Variants in MAGI1 observed in about 807,000 individuals in gnomAD.
The protein encoded by MAGI1 is membrane-associated guanylate kinase, WW and PDZ domain-containing protein 1.
Under a neutral mutation model 139.9 loss-of-function variants are expected in MAGI1, and 58 were observed. The ratio of observed to expected loss-of-function variants is 0.41; its 90% CI spans 0.34 to 0.52. The LOEUF is 0.52. Ranked by LOEUF, MAGI1 falls within the 20% of genes least tolerant of loss-of-function variation. MAGI1 has a pLI of 0.12. For synonymous variants in MAGI1, 812 were observed against 737.9 expected (o/e 1.10, Z -1.63); for missense variants, 1,874 against 1,901.6 (o/e 0.99, Z 0.27).
intron 2 of MAGI1, among the ~76,000 whole-genome samples, chr3:65,585,004 T>C (rs887388011): frequency 1.3e-5 from 2 of 152,172 alleles, no homozygotes; most frequent in African/African-American, 4.8e-5. Flanking sequence ...CTTATTGATG[T>C]GTAATAAGAA....
At chr3:65,436,830 T>C (rs60285400) in intron 10 of MAGI1, among the ~76,000 whole-genome samples, 3,978 of 152,066 alleles carry the variant, frequency 0.026, 165 homozygotes, top group African/African-American at 0.091. Context: ...CATCTCACAA[T>C]GCCCAGGACA....
chr3:65,729,684 C>T (rs1328043791), intron 1 of MAGI1, among the ~76,000 whole-genome samples: 2 of 152,152 alleles, frequency 1.3e-5, no homozygotes, highest in Non-Finnish European at 2.9e-5. Context: ...AGCTCCCCAT[C>T]GCTAATGAAA....
At chr3:65,590,850 T>C (rs1053541566) in intron 2 of MAGI1, among the ~76,000 whole-genome samples, 21 of 152,120 alleles carry the variant, frequency 1.4e-4, no homozygotes, top group African/African-American at 4.8e-4. Context: ...GTCCATGTTT[T>C]TTCACCTATC....
intron 1 of MAGI1, among the ~76,000 whole-genome samples, chr3:65,962,558 G>A (rs866516001): frequency 6.6e-5 from 10 of 152,090 alleles, no homozygotes; most frequent in Middle Eastern, 3.2e-3. Flanking sequence ...ACACTGGCCA[G>A]GCGAGGTGGT....
chr3:65,578,304 C>A (rs779742365), intron 2 of MAGI1, among the ~76,000 whole-genome samples: 1 of 151,976 alleles, frequency 6.6e-6, no homozygotes, highest in Non-Finnish European at 1.5e-5. Flanking sequence ...TCTGGACATA[C>A]TGTATTTGAT....
chr3:65,885,061 T>C (rs576204744), intron 1 of MAGI1, among the ~76,000 whole-genome samples: 14 of 152,116 alleles, frequency 9.2e-5, no homozygotes, highest in Admixed American at 2.6e-4. Context: ...AAATCACATA[T>C]AAAATAAATT....
chr3:65,464,149 A>G (rs1404222822), intron 5 of MAGI1, among the ~76,000 whole-genome samples: 1 of 151,948 alleles, frequency 6.6e-6, no homozygotes, highest in African/African-American at 2.4e-5. Flanking sequence ...TTCTTTGTCA[A>G]TCTTATTAGA....
intron 1 of MAGI1, among the ~76,000 whole-genome samples, chr3:65,773,378 A>T (rs909549588): frequency 2.0e-5 from 3 of 152,032 alleles, no homozygotes; most frequent in African/African-American, 4.8e-5. Context: ...ATAAAAAATT[A>T]AAAAATTAGT....
chr3:65,642,837 C>G (rs908844262), intron 1 of MAGI1, among the ~76,000 whole-genome samples: 1 of 152,106 alleles, frequency 6.6e-6, no homozygotes, highest in Admixed American at 6.6e-5. Flanking sequence ...ATAGGTATTA[C>G]CTGCCTGGAA....
chr3:65,664,241 G>A (rs1042500359), intron 1 of MAGI1, among the ~76,000 whole-genome samples: 12 of 152,050 alleles, frequency 7.9e-5, no homozygotes, highest in Admixed American at 6.5e-4. Context: ...CAAAACAAGA[G>A]ATCCAGAAAA....
rs763596169 is a variant in MAGI1, at chr3:65,356,781, C to T, written c.3986G>A (p.Gly1329Asp). The change falls in exon 23 of 23, where the codon GGC becomes GAC. Residue 1329 changes from glycine to aspartate, a missense_variant. By Grantham distance (94) the Gly-to-Asp change is moderately conservative (BLOSUM62 -1). Coordinates refer to ENST00000402939, the MANE Select transcript of MAGI1 (RefSeq NM_001033057.2). ...CAAAGTGTTGTCGGCGCTGCGGGTG[C>T]CCTCCCTCCGCTTCTCTGGGGACCG... The part of the protein sequence containing the change: ...KRRSPEKRRE[G>D]TRSADNTLER... 6.2e-7 allele frequency: 1 copy of T among 1,608,090 alleles called. No individual in the cohort carries two copies. Among genetic ancestry groups the T allele is most frequent in the South Asian group, 1.1e-5 (1 of 90,102 alleles).
intron 1 of MAGI1, among the ~76,000 whole-genome samples, chr3:65,941,366 T>C (rs900958314): frequency 7.9e-5 from 12 of 151,842 alleles, no homozygotes; most frequent in African/African-American, 2.7e-4. Flanking sequence ...AAAAGAATTA[T>C]ATTGCCCCTA....
chr3:65,430,925 A>C (rs755291880), intron 10 of MAGI1, 44 bp from the exon 11 acceptor site: 1 of 1,567,338 alleles, frequency 6.4e-7, no homozygotes, highest in Non-Finnish European at 8.8e-7. Flanking sequence ...ACCACTGGTG[A>C]AAAGGAGAAT....
At chr3:65,639,720 C>A (rs529099464) in intron 1 of MAGI1, among the ~76,000 whole-genome samples, 1 of 151,958 alleles carries the variant, frequency 6.6e-6, no homozygotes, top group Admixed American at 6.6e-5. Context: ...AATTACTTTC[C>A]AGCCAGGTGC....
At chr3:65,780,825 G>A (rs2038869987) in intron 1 of MAGI1, among the ~76,000 whole-genome samples, 1 of 152,206 alleles carries the variant, frequency 6.6e-6, no homozygotes, top group Non-Finnish European at 1.5e-5. Flanking sequence ...ACATGGGGCA[G>A]AAGAAGGGAT....
chr3:65,586,070 G>T (rs200725221), intron 2 of MAGI1, among the ~76,000 whole-genome samples: 2 of 152,116 alleles, frequency 1.3e-5, no homozygotes, highest in South Asian at 4.2e-4. Context: ...TTATCAGGGC[G>T]TTGGTGGCGC....
At chr3:65,552,615 T>A (rs2079892293) in intron 2 of MAGI1, among the ~76,000 whole-genome samples, 1 of 152,134 alleles carries the variant, frequency 6.6e-6, no homozygotes, top group Non-Finnish European at 1.5e-5. Context: ...GGTGGTGATG[T>A]CACCATTCTT....
At chr3:65,989,380 A>G (rs1013349274) in intron 1 of MAGI1, among the ~76,000 whole-genome samples, 1 of 152,184 alleles carries the variant, frequency 6.6e-6, no homozygotes, top group Non-Finnish European at 1.5e-5. Flanking sequence ...TAATCAGTGA[A>G]GCATGAGGCA....
chr3:65,943,295 G>T (rs1187531446), intron 1 of MAGI1, among the ~76,000 whole-genome samples: 1 of 152,120 alleles, frequency 6.6e-6, no homozygotes, highest in East Asian at 1.9e-4. Flanking sequence ...TCATCTCAGG[G>T]CCAGGCACAG....
Sources: gnomAD v4.1 joint callset for allele counts (sites outside exome capture counted in the v4.1 genomes callset) on GRCh38, gnomAD v4.1.1 for gene constraint, MANE v1.5 for transcripts, NCBI Gene and HGNC (gene_info 2026-07-23, HGNC 2026-07-21) for gene names.